Variants in XPO4 observed in about 807,000 individuals in gnomAD.
XPO4 encodes the protein exportin 4.
Under a neutral mutation model 143.0 loss-of-function variants are expected in XPO4, and 39 were observed. That is an observed-to-expected ratio of 0.27 (90% CI 0.21 to 0.36). The LOEUF (loss-of-function observed/expected upper bound fraction) is 0.36. Among genes scored for constraint, XPO4 ranks in the 10% least tolerant of loss-of-function variants. The probability of loss-of-function intolerance (pLI) is 1.00; values close to 1 mark genes in which losing one functional copy is unlikely to be tolerated. For missense variants in XPO4, 907 were observed against 1,348.0 expected, an observed-to-expected ratio of 0.67 and a Z score of 5.12; for synonymous variants, 439 against 474.0, an observed-to-expected ratio of 0.93 and a Z score of 0.96.
At chr13:20,785,981 AG>A (rs1395605436) in intron 22 of XPO4, among the ~76,000 whole-genome samples, 1 of 32,340 alleles carries the variant, frequency 3.1e-5, no homozygotes, top group Non-Finnish European at 9.2e-5. Context: ...AAAGAGAGGA[AG>A]GAAGGAAGGA....
chr13:20,811,425 C>T (rs575310727), intron 9 of XPO4, among the ~76,000 whole-genome samples: 52 of 151,624 alleles, frequency 3.4e-4, no homozygotes, highest in Non-Finnish European at 6.0e-4. Flanking sequence ...GTAGCTGGGA[C>T]TACAAGTGTG....
At chr13:20,896,405 T>C (rs1026011190) in intron 1 of XPO4, among the ~76,000 whole-genome samples, 7 of 152,220 alleles carry the variant, frequency 4.6e-5, no homozygotes, top group Non-Finnish European at 1.0e-4. Context: ...TCAGCTCTTT[T>C]ATATTCTGCA....
chr13:20,872,159 T>TC (rs1029751140), intron 1 of XPO4, among the ~76,000 whole-genome samples: 6 of 152,090 alleles, frequency 3.9e-5, no homozygotes, highest in Admixed American at 3.9e-4. Flanking sequence ...TACACATTTT[T>TC]CCCTCAAAGT....
At chr13:20,886,929 C>T (rs2060466402) in intron 1 of XPO4, among the ~76,000 whole-genome samples, 1 of 151,860 alleles carries the variant, frequency 6.6e-6, no homozygotes, top group Admixed American at 6.6e-5. Flanking sequence ...CAAAATTAGC[C>T]AGGTGTGGTG....
At chr13:20,836,821 T>TC (rs1692199636) in intron 6 of XPO4, among the ~76,000 whole-genome samples, 1 of 152,226 alleles carries the variant, frequency 6.6e-6, no homozygotes, top group Non-Finnish European at 1.5e-5. Flanking sequence ...AGCAGTCACC[T>TC]CCTACTTTGT....
chr13:20,855,413 C>T (rs920181107), intron 4 of XPO4, among the ~76,000 whole-genome samples: 2 of 151,174 alleles, frequency 1.3e-5, no homozygotes, highest in African/African-American at 2.4e-5. Flanking sequence ...CAAGATCATG[C>T]CATTGCACTC....
At chr13:20,869,846 T>G (rs1051430167) in intron 1 of XPO4, among the ~76,000 whole-genome samples, 12 of 152,214 alleles carry the variant, frequency 7.9e-5, no homozygotes, top group African/African-American at 2.9e-4. Flanking sequence ...CGCTCATGCC[T>G]GTAATCCTAG....
chr13:20,815,190 C>T (rs776232721), intron 9 of XPO4, among the ~76,000 whole-genome samples: 4 of 152,158 alleles, frequency 2.6e-5, no homozygotes, highest in Non-Finnish European at 4.4e-5. Context: ...ATAGGCAGAA[C>T]ACAGAGGATT....
chr13:20,890,364 T>C (rs2060500221), intron 1 of XPO4, among the ~76,000 whole-genome samples: 1 of 151,650 alleles, frequency 6.6e-6, no homozygotes, highest in Non-Finnish European at 1.5e-5. Context: ...GTGGGAGGAT[T>C]GCTTGAGCCC....
intron 1 of XPO4, among the ~76,000 whole-genome samples, chr13:20,892,765 T>C (rs1369843727): frequency 6.6e-6 from 1 of 151,940 alleles, no homozygotes; most frequent in African/African-American, 2.4e-5. Context: ...GCACCTGTGG[T>C]CCCACCTACT....
intron 6 of XPO4, among the ~76,000 whole-genome samples, chr13:20,830,126 T>C (rs2059834323): frequency 1.3e-5 from 2 of 152,166 alleles, no homozygotes. Context: ...CTAATCATGG[T>C]CTGTTTTTCA....
chr13:20,845,415 C>T (rs900551641), intron 4 of XPO4, among the ~76,000 whole-genome samples: 9 of 152,292 alleles, frequency 5.9e-5, no homozygotes, highest in South Asian at 4.2e-4. Context: ...TAAACACACA[C>T]ATTTTGTAAT....
At chr13:20,840,564 A>T (rs1170961209) in intron 6 of XPO4, among the ~76,000 whole-genome samples, 1 of 152,154 alleles carries the variant, frequency 6.6e-6, no homozygotes, top group Non-Finnish European at 1.5e-5. Flanking sequence ...GTTAAATTTG[A>T]TTATTTAGAC....
intron 1 of XPO4, chr13:20,902,303 C>G: frequency 2.0e-6 from 2 of 985,410 alleles, no homozygotes; most frequent in Non-Finnish European, 2.4e-6. Context: ...TCACACAGCC[C>G]TACAAATTTC....
At chr13:20,867,961 C>G (rs868081750) in intron 2 of XPO4, among the ~76,000 whole-genome samples, 7 of 152,210 alleles carry the variant, frequency 4.6e-5, no homozygotes, top group Middle Eastern at 3.4e-3. Context: ...TCATATATAA[C>G]TCTTAGAAAA....
chr13:20,864,664 CCTAA>C (rs1175197977), intron 2 of XPO4, among the ~76,000 whole-genome samples: 6 of 152,134 alleles, frequency 3.9e-5, no homozygotes, highest in South Asian at 2.1e-4. Context: ...CTGAAACATT[CCTAA>C]CTATTTGTTT....
Position 20,851,711 on chromosome 13 carries a change from C to CAAAAAAA in XPO4, c.456+3909_456+3915dup, listed in dbSNP as rs11340357. 43 of 681,808 alleles carry CAAAAAAA rather than the reference C, an allele frequency of 6.3e-5. No individual in the cohort carries two copies. The African/African-American group carries it at 6.6e-4, about 10-fold the overall frequency. The allele number at this position is 681,808 out of a possible 1,614,324, so 42.2% of individuals were successfully genotyped here. On this transcript the variant is annotated intron_variant, in intron 4 of 22. Coordinates refer to ENST00000255305, the MANE Select transcript of XPO4 (RefSeq NM_022459.5). ...GGCAACAGAGCAAGACCCGGTCTCA[C>CAAAAAAA]AAAAAAAAAAAAAAAAAAAGAAAGA...
chr13:20,810,800 C>T (rs1047700411), intron 9 of XPO4, among the ~76,000 whole-genome samples: 6 of 152,204 alleles, frequency 3.9e-5, no homozygotes, highest in Admixed American at 1.3e-4. Context: ...AGGCTGTATA[C>T]GCTTCAAGAT....
At chr13:20,789,572 G>T (rs1240124366) in intron 19 of XPO4, among the ~76,000 whole-genome samples, 1,535 of 150,012 alleles carry the variant, frequency 0.01, 31 homozygotes, top group African/African-American at 0.036. Context: ...TTTTTTGTGT[G>T]TGTGTGTGTG....
Sources: allele counts gnomAD v4.1 joint callset (sites outside exome capture counted in the v4.1 genomes callset), GRCh38; gene constraint gnomAD v4.1.1; transcripts MANE v1.5; gene names NCBI Gene and HGNC (gene_info 2026-07-23, HGNC 2026-07-21).